The following AKR1C3 variants were observed in gnomAD, a reference collection of about 807,000 sequenced individuals.
AKR1C3 encodes aldo-keto reductase family 1 member C3.
AKR1C3 carries 48 observed loss-of-function variants against 43.6 expected under a neutral mutation model. The observed-to-expected ratio is 1.10, with a 90% CI of 0.87 to 1.40. The LOEUF (loss-of-function observed/expected upper bound fraction) is 1.40, where lower values mean the gene tolerates loss of function less well. AKR1C3 is among the 40% of genes most tolerant of loss of function. The pLI is 0.00. For synonymous variants in AKR1C3, 162 were observed against 139.6 expected (o/e 1.16, Z -1.13); for missense variants, 482 against 391.2 (o/e 1.23, Z -1.96).
intron 1 of AKR1C3, among the ~76,000 whole-genome samples, chr10:5,087,799 T>A (rs1173868329): frequency 1.3e-5 from 2 of 152,108 alleles, no homozygotes; most frequent in Non-Finnish European, 2.9e-5. Context: ...CCTTTATACC[T>A]ATTTTTTTTC....
At chr10:5,073,895 A>C (rs1325363748) in intron 1 of AKR1C3, among the ~76,000 whole-genome samples, 3 of 152,128 alleles carry the variant, frequency 2.0e-5, no homozygotes, top group Admixed American at 6.5e-5. Flanking sequence ...CTCTTGGGAA[A>C]GGAAGATAAA....
At chr10:5,051,607 C>T (rs4551664) in intron 1 of AKR1C3, among the ~76,000 whole-genome samples, 86,197 of 152,058 alleles carry the variant, frequency 0.57, 25,385 homozygotes, top group East Asian at 0.79. Flanking sequence ...GTTCATATCA[C>T]GCATTATTCT....
chr10:5,095,416 C>T (rs1322241227), intron 1 of AKR1C3, among the ~76,000 whole-genome samples: 1 of 151,342 alleles, frequency 6.6e-6, no homozygotes, highest in Non-Finnish European at 1.5e-5. Flanking sequence ...AACGACACAA[C>T]TGAAGCTCCA....
At chr10:5,048,846 A>T (rs1554778632) in exon 1 of AKR1C3, 3 of 1,614,008 alleles carry the variant, frequency 1.9e-6, no homozygotes, top group Admixed American at 1.7e-5. Flanking sequence ...AAGCTAAATG[A>T]TGGTCACTTC....
intron 1 of AKR1C3, among the ~76,000 whole-genome samples, chr10:5,055,931 C>T (rs1838251618): frequency 6.6e-6 from 1 of 152,204 alleles, no homozygotes; most frequent in Non-Finnish European, 1.5e-5. Context: ...CAAAGATAAG[C>T]CAGTATAGGC....
intron 8 of AKR1C3, among the ~76,000 whole-genome samples, chr10:5,106,854 C>A (rs1366240203): frequency 6.6e-6 from 1 of 151,370 alleles, no homozygotes; most frequent in Non-Finnish European, 1.5e-5. Flanking sequence ...AGTGGCCCTT[C>A]ATAAGTGCTT....
chr10:5,083,345 G>A (rs1838878218), intron 1 of AKR1C3, among the ~76,000 whole-genome samples: 2 of 151,850 alleles, frequency 1.3e-5, no homozygotes, highest in Non-Finnish European at 2.9e-5. Flanking sequence ...TTTTGTCCTT[G>A]TGATAGTTGG....
rs150245655 is a variant in AKR1C3, at chr10:5,071,154, G to C, written c.84+22259G>C. 2.0e-3 allele frequency among the ~76,000 whole-genome samples: 300 copies of C among 152,278 alleles called. 1 individual carries two copies. Among genetic ancestry groups the C allele is most frequent in the Non-Finnish European group, 3.7e-3 (249 of 68,012 alleles). On this transcript the variant is annotated intron_variant, in intron 1 of 8. Transcript: ENST00000439082. ...TTGCTATAACAAAATAACTGTAACT[G>C]GCTGGTTCTTACACAATAGAGGTAT...
At chr10:5,054,934 A>C (rs1838228610) in intron 1 of AKR1C3, among the ~76,000 whole-genome samples, 1 of 152,178 alleles carries the variant, frequency 6.6e-6, no homozygotes, top group African/African-American at 2.4e-5. Context: ...GCATGCAATA[A>C]CTCTATAATT....
intron 1 of AKR1C3, among the ~76,000 whole-genome samples, chr10:5,069,514 C>T (rs1258596046): frequency 1.3e-5 from 2 of 152,154 alleles, no homozygotes; most frequent in Admixed American, 1.3e-4. Context: ...CACATTTTGC[C>T]TACTGAATTA....
intron 1 of AKR1C3, among the ~76,000 whole-genome samples, chr10:5,080,152 A>G (rs1372554191): frequency 7.2e-6 from 1 of 138,906 alleles, no homozygotes; most frequent in African/African-American, 2.8e-5. Flanking sequence ...ATAGGCCGGT[A>G]AGAGCGTCTG....
At position 5,085,766 on chromosome 10, in the gene AKR1C3, C is replaced by A. The variant is rs556659763; in HGVS notation, c.85-10644C>A. ...CTCAACTTCAGAGCCTGTTATTGGT[C>A]TATTCAGAGATTCAACTTCTTCCTG... On this transcript the variant is annotated intron_variant, in intron 1 of 8. Coordinates refer to the AKR1C3 transcript ENST00000439082. 3.9e-5 allele frequency among the ~76,000 whole-genome samples: 6 copies of A among 151,918 alleles called. No homozygotes were observed. In the South Asian group the frequency reaches 8.4e-4, roughly 21 times the overall value.
chr10:5,053,679 A>G lies in AKR1C3; in HGVS notation c.84+4784A>G, dbSNP rs554164579. 5.3e-5 allele frequency among the ~76,000 whole-genome samples: 8 copies of G among 152,308 alleles called. No homozygotes were observed. In the East Asian group the frequency reaches 9.7e-4, roughly 18 times the overall value. On this transcript the variant is annotated intron_variant, in intron 1 of 8. Transcript: ENST00000439082. Reference sequence around the variant, plus strand: ...TCACCTCTCAATCCCCCCTCTAAACAGGACACCCTAACTGCTGTTGGGAAT... The same window carrying G: ...TCACCTCTCAATCCCCCCTCTAAACGGGACACCCTAACTGCTGTTGGGAAT...
chr10:5,057,839 G>A (rs1838294917), intron 1 of AKR1C3, among the ~76,000 whole-genome samples: 1 of 152,176 alleles, frequency 6.6e-6, no homozygotes, highest in Non-Finnish European at 1.5e-5. Context: ...TGTAGCTAAA[G>A]CTGCATTCTT....
rs1838201425 is a variant in AKR1C3, at chr10:5,053,671, C to T, written c.84+4776C>T. 2.0e-5 allele frequency among the ~76,000 whole-genome samples: 3 copies of T among 152,244 alleles called. No individual in the cohort carries two copies. In the South Asian group the frequency reaches 6.2e-4, roughly 31 times the overall value. On this transcript the variant is annotated intron_variant, in intron 1 of 8. Coordinates refer to the AKR1C3 transcript ENST00000439082. Reference sequence around the variant, plus strand: ...GCACATTGTCACCTCTCAATCCCCCCTCTAAACAGGACACCCTAACTGCTG... The same window carrying T: ...GCACATTGTCACCTCTCAATCCCCCTTCTAAACAGGACACCCTAACTGCTG...
intron 3 of AKR1C3, among the ~76,000 whole-genome samples, chr10:5,098,578 T>C (rs1839269940): frequency 6.6e-6 from 1 of 152,124 alleles, no homozygotes; most frequent in Non-Finnish European, 1.5e-5. Context: ...ACCTAGAAAA[T>C]GGTCCTTTTC....
intron 1 of AKR1C3, among the ~76,000 whole-genome samples, chr10:5,095,697 G>A (rs368707935): frequency 4.0e-5 from 6 of 151,724 alleles, no homozygotes; most frequent in African/African-American, 1.5e-4. Flanking sequence ...TGTCTTTCCT[G>A]AAAGAGATAG....
At chr10:5,075,165 A>G (rs921126243) in intron 1 of AKR1C3, among the ~76,000 whole-genome samples, 4 of 151,960 alleles carry the variant, frequency 2.6e-5, no homozygotes, top group Non-Finnish European at 4.4e-5. Flanking sequence ...TGTTGCCACT[A>G]CAATCTGTTT....
chr10:5,100,626 C>A (rs1839323201), intron 5 of AKR1C3, among the ~76,000 whole-genome samples: 1 of 152,020 alleles, frequency 6.6e-6, no homozygotes, highest in Admixed American at 6.6e-5. Flanking sequence ...CTTTTTTATT[C>A]TTTTATACAA....
Sources: allele counts gnomAD v4.1 joint callset (sites outside exome capture counted in the v4.1 genomes callset), GRCh38; gene constraint gnomAD v4.1.1; transcripts MANE v1.5; gene names NCBI Gene and HGNC (gene_info 2026-07-23, HGNC 2026-07-21).